PKD1: variants seen among roughly 807,000 people sequenced by gnomAD.
The protein encoded by PKD1 is polycystin-1.
A neutral mutation model predicts 361.7 loss-of-function variants in PKD1; 81 were observed. The ratio of observed to expected loss-of-function variants is 0.22; its 90% confidence interval spans 0.19 to 0.27. The LOEUF (loss-of-function observed/expected upper bound fraction) is 0.27. PKD1 is among the 10% of genes least tolerant of loss of function. PKD1 has a pLI of 1.00. For synonymous variants in PKD1, 3,615 were observed against 2,818.3 expected, an observed-to-expected ratio of 1.28 and a Z score of -8.95; for missense variants, 6,399 against 6,118.3, an observed-to-expected ratio of 1.05 and a Z score of -1.53.
At chr16:2,122,205 C>T (rs2092732061) in intron 1 of PKD1, among the ~76,000 whole-genome samples, 1 of 152,272 alleles carries the variant, frequency 6.6e-6, no homozygotes, top group African/African-American at 2.4e-5. Flanking sequence ...CTCACCTGGG[C>T]TGGGTGCCCA....
intron 34 of PKD1, 48 bp from the exon 35 acceptor site, chr16:2,094,258 G>T (rs758165328): frequency 2.5e-6 from 3 of 1,197,868 alleles, no homozygotes; most frequent in Non-Finnish European, 3.7e-6. Context: ...CCAGGAGGCA[G>T]TTGCAGCCAA....
In PKD1 at chr16:2,103,853, T is replaced by A. The variant is rs141717814; in HGVS notation, c.8204A>T (p.Gln2735Leu). Reference protein sequence around the residue: ...HLASSDVRAPQPSELGAESPS... With the variant: ...HLASSDVRAPLPSELGAESPS... ...TGACTCGGCTCCCAGCTCTGAGGGC[T>A]GTGGTGCCCGCACGTCCGAGCTGGC... The change falls in exon 23 of 46, where the codon CAG becomes CTG. Residue 2735 changes from glutamine to leucine, a missense_variant. Coordinates refer to ENST00000262304, the MANE Select transcript of PKD1 (RefSeq NM_001009944.3). 1.4e-3 allele frequency: 2,170 copies of A among 1,603,056 alleles called. 2 individuals carry two copies. Among genetic ancestry groups the A allele is most frequent in the Non-Finnish European group, 1.7e-3 (2,049 of 1,177,766 alleles).
intron 1 of PKD1, among the ~76,000 whole-genome samples, chr16:2,133,503 C>T (rs1411031762): frequency 6.7e-6 from 1 of 148,172 alleles, no homozygotes; most frequent in Non-Finnish European, 1.5e-5. Context: ...CCTCTCCCAG[C>T]TTGACCCCTC....
At chr16:2,097,687 G>C (rs761818951) in intron 32 of PKD1, 41 bp downstream of exon 32, 2 of 1,610,898 alleles carry the variant, frequency 1.2e-6, no homozygotes, top group African/African-American at 1.3e-5. Context: ...CCCAGACACA[G>C]TGACCTGCAC....
In PKD1 at chr16:2,111,248, TG is replaced by T; in HGVS notation, c.3918del (p.Thr1307ArgfsTer39). 1.2e-6 allele frequency: 2 copies of T among 1,610,582 alleles called. No homozygotes were observed. Among genetic ancestry groups the T allele is most frequent in the Non-Finnish European group, 8.5e-7 (1 of 1,179,602 alleles). The part of the protein sequence containing the change: ...VLRVEPAACI[P>X]TQPDARLTAY... ...GCCGTGAGCCGCGCGTCAGGCTGCG[TG>T]GGGATGCAGGCGGCGGGTTCAACGC... On this transcript the variant is annotated frameshift_variant, in exon 15 of 46. Coordinates refer to ENST00000262304, the MANE Select transcript of PKD1 (RefSeq NM_001009944.3). LOFTEE classifies it high-confidence loss of function.
In PKD1 at chr16:2,092,114, C is replaced by G; in HGVS notation, c.11344G>C (p.Asp3782His). The change falls in exon 40 of 46, where the codon GAC becomes CAC. Residue 3782 changes from aspartate (D) to histidine (H), a missense_variant. Coordinates refer to ENST00000262304, the MANE Select transcript of PKD1 (RefSeq NM_001009944.3). ...AAGGFSTSDYDVGWESPHNGS... is the reference protein window; with the variant it reads ...AAGGFSTSDYHVGWESPHNGS... ...TTGTGAGGACTCTCCCAGCCAACGT[C>G]GTAATCGCTGGTGCTGAAGCCTCCT... 2 of 1,612,898 alleles carry G rather than the reference C, an allele frequency of 1.2e-6. No individual in the cohort carries two copies. The highest frequency in any genetic ancestry group is 2.2e-5 in the East Asian group (1 of 44,876).
Position 2,110,539 on chromosome 16 carries a change from G to A in PKD1, c.4628C>T (p.Thr1543Met), listed in dbSNP as rs764519269. The change falls in exon 15 of 46, where the codon ACG becomes ATG. Residue 1543 changes from threonine to methionine, a missense_variant. Coordinates refer to ENST00000262304, the MANE Select transcript of PKD1 (RefSeq NM_001009944.3). Reference sequence around the variant, plus strand: ...GAGCCCCCGCACGCGCCGCTTCACCGTCACATTGAGCCAGGCCTCGCTGCG... The same window carrying A: ...GAGCCCCCGCACGCGCCGCTTCACCATCACATTGAGCCAGGCCTCGCTGCG... ...VSRSEAWLNV[T>M]VKRRVRGLVV... The A allele has an allele frequency of 3.9e-5, 63 of 1,611,512 alleles. 1 individual carries two copies. Among genetic ancestry groups the A allele is most frequent in the African/African-American group, 8.0e-5 (6 of 74,906 alleles).
chr16:2,135,426 C>G, intron 1 of PKD1, 49 bp downstream of exon 1: 1 of 1,144,532 alleles, frequency 8.7e-7, no homozygotes, highest in Non-Finnish European at 1.1e-6. Flanking sequence ...CGCGCCCACG[C>G]CCGCCCGTCC....
rs542171214 is a variant in PKD1 at position 2,109,329 on chromosome 16, G to A, written c.5838C>T (p.His1946=). ...FSHSFPRVGD[H]VVSVRGKNHV... ...GGTTTTTGCCCCGCACGCTCACCACGTGGTCTCCGACGCGGGGGAAGCTGT... is the reference window on the plus strand; with the variant it reads ...GGTTTTTGCCCCGCACGCTCACCACATGGTCTCCGACGCGGGGGAAGCTGT... Residue 1946 remains histidine, a synonymous_variant, in exon 15 of 46, where the codon CAC becomes CAT. Coordinates refer to ENST00000262304, the MANE Select transcript of PKD1 (RefSeq NM_001009944.3). The A allele has an allele frequency of 8.2e-6, 13 of 1,589,998 alleles. No homozygotes were observed. In the East Asian group the frequency reaches 1.1e-4, roughly 14 times the overall value.
rs568163462 is a variant in PKD1, at chr16:2,112,880, C to G, written c.3069G>C (p.Gln1023His). ...VERMNRMQGL[Q>H]VSTVPAVLSP... Reference sequence around the variant, plus strand: ...ACAGCACGGCCGGCACTGTGGAGACCTGCAGACCCTGCATCCTGTTCATCC... The same window carrying G: ...ACAGCACGGCCGGCACTGTGGAGACGTGCAGACCCTGCATCCTGTTCATCC... The change falls in exon 13 of 46, where the codon CAG becomes CAC. Residue 1023 changes from glutamine to histidine, a missense_variant. Transcript: ENST00000262304. 384 of 1,607,086 alleles carry G rather than the reference C, an allele frequency of 2.4e-4. 8 individuals carry two copies. The South Asian group carries it at 4.1e-3, about 17-fold the overall frequency.
At position 2,103,655 on chromosome 16, in the gene PKD1, C is replaced by T. The variant is rs1456875303; in HGVS notation, c.8402G>A (p.Gly2801Glu). Residue 2801 changes from glycine (G) to glutamate (E), a missense_variant, in exon 23 of 46, where the codon GGG becomes GAG. Physicochemically the swap from Gly to Glu is moderately conservative, Grantham distance 98. Transcript: ENST00000262304. ...RSLLCYGGAP[G>E]PGCHFSIPEA... ...GGGGATGGAGAAGTGGCAGCCAGGC[C>T]CTGGGGCGCCGCCATAGCACAGCAG... is the stretch of plus-strand genomic sequence containing the variant. 1.9e-6 allele frequency: 3 copies of T among 1,610,182 alleles called. No individual in the cohort carries two copies. Among genetic ancestry groups the T allele is most frequent in the Non-Finnish European group, 2.5e-6 (3 of 1,179,638 alleles).
At position 2,117,895 on chromosome 16, in the gene PKD1, G is replaced by C. The variant is rs752356523; in HGVS notation, c.1097C>G (p.Ser366Trp). 1.1e-5 allele frequency: 13 copies of C among 1,179,058 alleles called. No homozygotes were observed. Among genetic ancestry groups the C allele is most frequent in the Non-Finnish European group, 1.5e-5 (12 of 822,468 alleles). The allele number at this position is 1,179,058 out of a possible 1,614,324, so 73.0% of individuals were successfully genotyped here. Residue 366 changes from serine to tryptophan, a missense_variant, in exon 5 of 46, where the codon TCG becomes TGG. By Grantham distance (177) the Ser-to-Trp change is radical. Transcript: ENST00000262304. Reference protein sequence around the residue: ...PAALELVCPSSVQSDESLDLS... With the variant: ...PAALELVCPSWVQSDESLDLS... Reference sequence around the variant, plus strand: ...GTCGAGGCTCTCGTCACTCTGCACCGAGGACGGGCACACGAGCTCCAGGGC... The same window carrying C: ...GTCGAGGCTCTCGTCACTCTGCACCCAGGACGGGCACACGAGCTCCAGGGC...
Position 2,115,491 on chromosome 16 carries a change from G to C in PKD1, c.1984C>G (p.Pro662Ala). 3 of 1,602,074 alleles carry C rather than the reference G, an allele frequency of 1.9e-6. No homozygotes were observed. Among genetic ancestry groups the C allele is most frequent in the Non-Finnish European group, 1.7e-6 (2 of 1,175,792 alleles). ...GTGCAGCCATTGGCGCAGGCCTGGG[G>C]GTGGCAGGAGGCGTCCAGCGGCAAG... The part of the protein sequence containing the change: ...ICLPLDASCH[P>A]QACANGCTSG... The change falls in exon 10 of 46, where the codon CCC becomes GCC. Residue 662 changes from proline (P) to alanine (A), a missense_variant. Transcript: ENST00000262304.
rs1392305253 is a variant in PKD1, at chr16:2,115,509, G to C, written c.1966C>G (p.Leu656Val). Residue 656 changes from leucine (L) to valine (V), a missense_variant, in exon 10 of 46, where the codon CTG becomes GTG. Leu to Val is a conservative substitution (Grantham distance 32). Transcript: ENST00000262304. ...GCCTGGGGGTGGCAGGAGGCGTCCA[G>C]CGGCAAGCAGATGTTGGCTCCAGGG... ...WCPGANICLPLDASCHPQACA... is the reference protein window; with the variant it reads ...WCPGANICLPVDASCHPQACA... The C allele has an allele frequency of 2.5e-6, 4 of 1,599,412 alleles. No homozygotes were observed. In the East Asian group the frequency reaches 9.0e-5, roughly 36 times the overall value.
intron 1 of PKD1, among the ~76,000 whole-genome samples, chr16:2,132,404 C>A (rs942763177): frequency 7.9e-5 from 12 of 151,576 alleles, no homozygotes; most frequent in Admixed American, 4.6e-4. Context: ...CCCGTCTCTA[C>A]TAAAAATACA....
At position 2,103,333 on chromosome 16, in the gene PKD1, C is replaced by A; in HGVS notation, c.8724G>T (p.Val2908=). The A allele has an allele frequency of 6.2e-7, 1 of 1,606,834 alleles. No homozygotes were observed. The highest frequency in any genetic ancestry group is 8.5e-7 in the Non-Finnish European group (1 of 1,179,542). The change falls in exon 23 of 46, where the codon GTG becomes GTT. Residue 2908 remains valine, a synonymous_variant. Transcript: ENST00000262304. ...VVQPQASVGA[V]VTLDSSNPAA... is the part of the protein sequence containing the mutation. Reference sequence around the variant, plus strand: ...CAGGGTTGCTGCTGTCCAGGGTGACCACAGCACCGACGGAGGCCTGGGGCT... The same window carrying A: ...CAGGGTTGCTGCTGTCCAGGGTGACAACAGCACCGACGGAGGCCTGGGGCT...
intron 34 of PKD1, chr16:2,096,870 G>T (rs1189298214): frequency 5.5e-6 from 3 of 540,926 alleles, no homozygotes; most frequent in Non-Finnish European, 9.9e-6. Context: ...CTGAGACCAA[G>T]ATAAAAACGT....
intron 13 of PKD1, 70 bp from the exon 14 acceptor site, chr16:2,112,543 G>C: frequency 7.0e-7 from 1 of 1,418,580 alleles, no homozygotes; most frequent in African/African-American, 1.4e-5. Context: ...GGGGGTGCTT[G>C]GGACCCAGCC....
rs772509269 is a variant in PKD1, at chr16:2,110,704, G to A, written c.4463C>T (p.Ser1488Phe). ...GLELQQPYLFSAVGRGRPASY... is the reference protein window; with the variant it reads ...GLELQQPYLFFAVGRGRPASY... ...GGCGGGGCGCCCACGGCCCACAGCAGAGAACAGGTACGGCTGCTGCAGCTC... is the reference window on the plus strand; with the variant it reads ...GGCGGGGCGCCCACGGCCCACAGCAAAGAACAGGTACGGCTGCTGCAGCTC... The change falls in exon 15 of 46, where the codon TCT becomes TTT. Residue 1488 changes from serine to phenylalanine, a missense_variant. Ser to Phe is a radical substitution (Grantham distance 155). Coordinates refer to ENST00000262304, the MANE Select transcript of PKD1 (RefSeq NM_001009944.3). The A allele has an allele frequency of 8.7e-6, 14 of 1,610,502 alleles. No individual in the cohort carries two copies. Among genetic ancestry groups the A allele is most frequent in the Admixed American group, 8.3e-5 (5 of 59,996 alleles).
Sources: gnomAD v4.1 joint callset for allele counts (sites outside exome capture counted in the v4.1 genomes callset) on GRCh38, gnomAD v4.1.1 for gene constraint, MANE v1.5 for transcripts, NCBI Gene and HGNC (gene_info 2026-07-23, HGNC 2026-07-21) for gene names.